KCNN2: variants seen among roughly 807,000 people sequenced by gnomAD.
The protein encoded by KCNN2 is small conductance calcium-activated potassium channel protein 2.
KCNN2 carries 24 observed loss-of-function variants against 55.5 expected under a neutral mutation model. That is an observed-to-expected ratio of 0.43 (90% CI 0.31 to 0.61). KCNN2 has a LOEUF of 0.61. KCNN2 is among the 20% of genes least tolerant of loss of function. The probability of loss-of-function intolerance (pLI) is 0.08; values close to 1 mark genes in which losing one functional copy is unlikely to be tolerated. For synonymous variants in KCNN2, 431 were observed against 336.1 expected (o/e 1.28, Z -3.09); for missense variants, 754 against 853.6 (o/e 0.88, Z 1.45).
At chr5:114,427,195 T>A (rs1174049870) in intron 3 of KCNN2, among the ~76,000 whole-genome samples, 2 of 152,246 alleles carry the variant, frequency 1.3e-5, no homozygotes, top group Non-Finnish European at 2.9e-5. Context: ...CCCTGACTTC[T>A]AGCTCACCAA....
chr5:114,117,513 G>A (rs895036131), intron 1 of KCNN2, among the ~76,000 whole-genome samples: 1 of 152,210 alleles, frequency 6.6e-6, no homozygotes, highest in Non-Finnish European at 1.5e-5. Flanking sequence ...GTACTTGGGT[G>A]ACAACAGTCT....
rs373959577 is a variant in KCNN2, at chr5:114,323,875, T to C, written c.-184-37070T>C. On this transcript the variant is annotated intron_variant, in intron 2 of 10. Transcript: ENST00000512097. Reference sequence around the variant, plus strand: ...TGTTGGCCAGGATGGTCTTAATCTCTTGACCTCATGATATGCCCGCCTTGG... The same window carrying C: ...TGTTGGCCAGGATGGTCTTAATCTCCTGACCTCATGATATGCCCGCCTTGG... Among the ~76,000 whole-genome samples, 74 of 152,006 alleles carry C rather than the reference T, an allele frequency of 4.9e-4. No homozygotes were observed. In the East Asian group the frequency reaches 0.011, roughly 22 times the overall value.
chr5:114,472,550 C>CTGA (rs5870613), intron 4 of KCNN2, among the ~76,000 whole-genome samples: 122,002 of 151,356 alleles, frequency 0.81, 49,531 homozygotes, highest in East Asian at 0.96. Context: ...GTGTGGAACA[C>CTGA]TGAAGCAGTG....
At chr5:114,491,679 A>AT (rs1747865627) in intron 6 of KCNN2, among the ~76,000 whole-genome samples, 2 of 152,216 alleles carry the variant, frequency 1.3e-5, no homozygotes, top group South Asian at 4.1e-4. Context: ...CATCTAGAAT[A>AT]CCTCTGTTGG....
upstream of KCNN2, among the ~76,000 whole-genome samples, chr5:114,359,564 T>C (rs997016039): frequency 3.3e-5 from 5 of 152,240 alleles, no homozygotes; most frequent in African/African-American, 7.2e-5. Flanking sequence ...ATTTTTCTTA[T>C]GACAGTTTAG....
intron 5 of KCNN2, 55 bp downstream of exon 5, chr5:114,473,219 T>C: frequency 8.7e-7 from 1 of 1,150,444 alleles, no homozygotes; most frequent in Non-Finnish European, 1.3e-6. Flanking sequence ...TTTTTCAGTG[T>C]TAGGAAATAT....
intron 1 of KCNN2, among the ~76,000 whole-genome samples, chr5:114,159,083 T>G (rs560679387): frequency 6.6e-6 from 1 of 152,316 alleles, no homozygotes; most frequent in South Asian, 2.1e-4. Context: ...CTTGTGCCAG[T>G]TTTCAAAGGG....
chr5:114,197,524 A>G (rs1443554672), intron 1 of KCNN2, among the ~76,000 whole-genome samples: 3 of 152,112 alleles, frequency 2.0e-5, no homozygotes, highest in Non-Finnish European at 4.4e-5. Flanking sequence ...GTGTCCAATG[A>G]GTTAGTGGGG....
chr5:114,211,355 A>G (rs1753880858), intron 1 of KCNN2, among the ~76,000 whole-genome samples: 1 of 152,184 alleles, frequency 6.6e-6, no homozygotes, highest in East Asian at 1.9e-4. Context: ...TATGGTACAT[A>G]TACACCATGA....
At chr5:114,341,081 G>A (rs1394808404) in intron 2 of KCNN2, among the ~76,000 whole-genome samples, 2 of 151,988 alleles carry the variant, frequency 1.3e-5, no homozygotes, top group Non-Finnish European at 2.9e-5. Context: ...TCTTTATCCG[G>A]TCATCCATTG....
At chr5:114,465,370 T>C (rs1415167982) in intron 4 of KCNN2, among the ~76,000 whole-genome samples, 1 of 152,140 alleles carries the variant, frequency 6.6e-6, no homozygotes, top group South Asian at 2.1e-4. Flanking sequence ...CCCAACACTT[T>C]GGGAGGCCGA....
chr5:114,377,778 A>G (rs1757988086), intron 2 of KCNN2, among the ~76,000 whole-genome samples: 1 of 152,214 alleles, frequency 6.6e-6, no homozygotes, highest in Non-Finnish European at 1.5e-5. Flanking sequence ...CATCTGTAAA[A>G]TGGAAATGAT....
At chr5:114,157,686 G>A (rs368623402) in intron 1 of KCNN2, among the ~76,000 whole-genome samples, 4 of 152,040 alleles carry the variant, frequency 2.6e-5, no homozygotes, top group Non-Finnish European at 4.4e-5. Flanking sequence ...TGACTTTTTA[G>A]TGATCACCAT....
chr5:114,105,989 T>C (rs1246361746), intron 1 of KCNN2, among the ~76,000 whole-genome samples: 2 of 151,960 alleles, frequency 1.3e-5, no homozygotes, highest in African/African-American at 2.4e-5. Context: ...TTATTCACCT[T>C]ATGTTTTTCT....
intron 2 of KCNN2, among the ~76,000 whole-genome samples, chr5:114,250,435 T>C (rs1179681950): frequency 6.6e-6 from 1 of 152,156 alleles, no homozygotes; most frequent in Non-Finnish European, 1.5e-5. Flanking sequence ...GCTCGCCTAG[T>C]GTTGAGCTCA....
chr5:114,193,565 T>C (rs1388056799), intron 1 of KCNN2, among the ~76,000 whole-genome samples: 1 of 152,174 alleles, frequency 6.6e-6, no homozygotes, highest in African/African-American at 2.4e-5. Context: ...AGTTACATAA[T>C]GCAGGTTCAG....
intron 1 of KCNN2, among the ~76,000 whole-genome samples, chr5:114,196,926 A>T (rs181785063): frequency 1.3e-5 from 2 of 152,086 alleles, no homozygotes. Flanking sequence ...CTTAAGATAA[A>T]AGGTGAGGTT....
chr5:114,284,810 G>T (rs571097131), intron 2 of KCNN2, among the ~76,000 whole-genome samples: 1 of 151,792 alleles, frequency 6.6e-6, no homozygotes, highest in Non-Finnish European at 1.5e-5. Context: ...CAGCCACCGC[G>T]CCTAGCCGAT....
At chr5:114,265,968 C>T (rs900619320) in intron 2 of KCNN2, among the ~76,000 whole-genome samples, 1 of 152,016 alleles carries the variant, frequency 6.6e-6, no homozygotes, top group Non-Finnish European at 1.5e-5. Flanking sequence ...GTATCACTGT[C>T]CATTAGAGAT....
Sources: gnomAD v4.1 joint callset for allele counts (sites outside exome capture counted in the v4.1 genomes callset) on GRCh38, gnomAD v4.1.1 for gene constraint, MANE v1.5 for transcripts, NCBI Gene and HGNC (gene_info 2026-07-23, HGNC 2026-07-21) for gene names.